The following NRG1 variants were observed in gnomAD, a reference collection of about 807,000 sequenced individuals.
The protein encoded by NRG1 is neuregulin 1.
NRG1 carries 18 observed loss-of-function variants against 63.8 expected under a neutral mutation model. The observed-to-expected ratio is 0.28, with a 90% CI of 0.19 to 0.42. The LOEUF is 0.42. NRG1 is among the 10% of genes least tolerant of loss of function. The probability of loss-of-function intolerance (pLI) is 1.00; values close to 1 mark genes in which losing one functional copy is unlikely to be tolerated. For missense variants in NRG1, 762 were observed against 814.7 expected, an observed-to-expected ratio of 0.94 and a Z score of 0.79; for synonymous variants, 302 against 301.3, an observed-to-expected ratio of 1.00 and a Z score of -0.02.
rs187807076 is a variant in NRG1 at position 32,317,875 on chromosome 8, A to G, written c.38-277953A>G. On this transcript the variant is annotated intron_variant, in intron 1 of 10. Coordinates refer to the NRG1 transcript ENST00000519301. Reference sequence around the variant, plus strand: ...GTTGCAAAGCTTTCTTTCCCCCTGAAGCAGTAGAGGGTGCTATGTGGATAT... The same window carrying G: ...GTTGCAAAGCTTTCTTTCCCCCTGAGGCAGTAGAGGGTGCTATGTGGATAT... Among the ~76,000 whole-genome samples the G allele has an allele frequency of 6.5e-3, 989 of 152,264 alleles. 5 individuals carry two copies. Among genetic ancestry groups the G allele is most frequent in the Middle Eastern group, 0.017 (5 of 294 alleles).
chr8:32,452,415 C>T (rs1442970221), intron 1 of NRG1, among the ~76,000 whole-genome samples: 1 of 152,030 alleles, frequency 6.6e-6, no homozygotes, highest in Non-Finnish European at 1.5e-5. Flanking sequence ...AGAGGAAAGA[C>T]AGTCCAAGAT....
intron 1 of NRG1, among the ~76,000 whole-genome samples, chr8:31,968,824 T>C (rs1806807827): frequency 6.6e-6 from 1 of 152,172 alleles, no homozygotes; most frequent in South Asian, 2.1e-4. Flanking sequence ...AATGTGGCAA[T>C]TGACACGATA....
At chr8:32,707,065 A>G (rs1172514008) in intron 5 of NRG1, among the ~76,000 whole-genome samples, 1 of 152,088 alleles carries the variant, frequency 6.6e-6, no homozygotes, top group Non-Finnish European at 1.5e-5. Context: ...CTATTTGTAG[A>G]GAAAACAATG....
chr8:32,241,553 G>A (rs769111100), intron 1 of NRG1, among the ~76,000 whole-genome samples: 3 of 152,106 alleles, frequency 2.0e-5, no homozygotes, highest in Non-Finnish European at 4.4e-5. Context: ...CACAATTGGC[G>A]TGCAATAGAG....
intron 11 of NRG1, 67 bp from the exon 12 acceptor site, chr8:32,763,681 C>T (rs923826578): frequency 8.3e-6 from 12 of 1,440,736 alleles, no homozygotes; most frequent in Non-Finnish European, 1.1e-5. Flanking sequence ...AACTCTGTCC[C>T]CTTACCTTCC....
chr8:32,051,050 C>A (rs1821897171), intron 1 of NRG1, among the ~76,000 whole-genome samples: 1 of 151,954 alleles, frequency 6.6e-6, no homozygotes, highest in Non-Finnish European at 1.5e-5. Context: ...AATATGGAAT[C>A]CTTCCATGTT....
At chr8:31,922,654 T>C (rs1330696362) in intron 1 of NRG1, among the ~76,000 whole-genome samples, 1 of 152,178 alleles carries the variant, frequency 6.6e-6, no homozygotes, top group Non-Finnish European at 1.5e-5. Context: ...TCTGTGCTTT[T>C]AGGCAGGTAG....
At chr8:32,385,110 C>G (rs374022101) in intron 1 of NRG1, among the ~76,000 whole-genome samples, 2 of 152,324 alleles carry the variant, frequency 1.3e-5, no homozygotes, top group African/African-American at 4.8e-5. Context: ...AGCTCCGCCT[C>G]CCAGGTGCAT....
chr8:32,748,354 C>CAGAGAG (rs1416082314), intron 7 of NRG1, among the ~76,000 whole-genome samples: 1 of 91,292 alleles, frequency 1.1e-5, no homozygotes, highest in South Asian at 4.3e-4. Flanking sequence ...CACACACACA[C>CAGAGAG]ACACAGAGAG....
chr8:32,186,460 C>CAAAAAAAAAAA (rs748750103), intron 1 of NRG1, among the ~76,000 whole-genome samples: 2 of 52,208 alleles, frequency 3.8e-5, no homozygotes, highest in Non-Finnish European at 4.3e-5. Flanking sequence ...GACTCCGTCT[C>CAAAAAAAAAAA]AAAAAAAAAA....
intron 1 of NRG1, among the ~76,000 whole-genome samples, chr8:32,011,767 T>G (rs146959554): frequency 1.1e-3 from 160 of 152,196 alleles, no homozygotes; most frequent in Middle Eastern, 6.8e-3. Context: ...CTGCTAGGCT[T>G]GGATGCCTAG....
intron 1 of NRG1, among the ~76,000 whole-genome samples, chr8:32,448,732 T>A (rs1563479064): frequency 6.6e-6 from 1 of 152,298 alleles, no homozygotes; most frequent in East Asian, 1.9e-4. Flanking sequence ...TAGAGGTTCC[T>A]CGGCACCTCC....
At chr8:32,517,018 A>G (rs1829886228) in intron 1 of NRG1, among the ~76,000 whole-genome samples, 1 of 152,208 alleles carries the variant, frequency 6.6e-6, no homozygotes, top group South Asian at 2.1e-4. Context: ...GAAAATATTT[A>G]AGAAATTCTA....
intron 1 of NRG1, among the ~76,000 whole-genome samples, chr8:32,089,518 T>TA (rs1390030253): frequency 6.6e-6 from 1 of 152,078 alleles, no homozygotes; most frequent in Admixed American, 6.5e-5. Context: ...ATTTTTTTTT[T>TA]AAATGCCAGA....
intron 1 of NRG1, among the ~76,000 whole-genome samples, chr8:31,711,865 C>T (rs926106301): frequency 6.6e-5 from 10 of 152,110 alleles, no homozygotes; most frequent in South Asian, 2.1e-4. Context: ...AAGAAACCTT[C>T]GGGTTCTCTT....
At chr8:31,992,768 A>G (rs960237588) in intron 1 of NRG1, among the ~76,000 whole-genome samples, 1 of 152,050 alleles carries the variant, frequency 6.6e-6, no homozygotes, top group African/African-American at 2.4e-5. Flanking sequence ...ATGGGCAGAT[A>G]TAAGCATTAG....
At chr8:32,452,630 T>C (rs1373342479) in intron 1 of NRG1, among the ~76,000 whole-genome samples, 1 of 152,180 alleles carries the variant, frequency 6.6e-6, no homozygotes, top group East Asian at 1.9e-4. Flanking sequence ...GTTCATTCTC[T>C]TGGCAACTAT....
At chr8:32,548,890 C>G in intron 1 of NRG1, 64 bp downstream of exon 1, 1 of 1,484,354 alleles carries the variant, frequency 6.7e-7, no homozygotes, top group Non-Finnish European at 8.9e-7. Context: ...CCTCCTCCTC[C>G]TCGGATGCCG....
At chr8:32,592,037 G>A (rs544728026) in intron 1 of NRG1, among the ~76,000 whole-genome samples, 17 of 150,930 alleles carry the variant, frequency 1.1e-4, no homozygotes, top group South Asian at 1.0e-3. Context: ...TGAAGCCTAG[G>A]TCTTTTATCT....
Sources: gnomAD v4.1 joint callset for allele counts (sites outside exome capture counted in the v4.1 genomes callset) on GRCh38, gnomAD v4.1.1 for gene constraint, MANE v1.5 for transcripts, NCBI Gene and HGNC (gene_info 2026-07-23, HGNC 2026-07-21) for gene names.